ANK2: variants seen among roughly 807,000 people sequenced by gnomAD.
ANK2 encodes ankyrin 2, also known as ankyrin-2.
Under a neutral mutation model 360.5 loss-of-function variants are expected in ANK2, and 83 were observed. That is an observed-to-expected ratio of 0.23 (90% confidence interval 0.19 to 0.28). The LOEUF (loss-of-function observed/expected upper bound fraction) is 0.28, where lower values mean the gene tolerates loss of function less well. ANK2 is among the 10% of genes least tolerant of loss of function. ANK2 has a pLI of 1.00. For synonymous variants in ANK2, 1,740 were observed against 1,759.5 expected (o/e 0.99, Z 0.28); for missense variants, 4,201 against 4,795.7 (o/e 0.88, Z 3.66).
the ANK2 span, among the ~76,000 whole-genome samples, chr4:112,735,016 C>A: frequency 7.4e-4 from 112 of 152,180 alleles, no homozygotes; most frequent in African/African-American, 2.7e-3. Context: ...AAGTTCATTC[C>A]CTAGAGCAAT....
chr4:112,831,565 T>A (rs1457324496), intron 1 of ANK2, among the ~76,000 whole-genome samples: 6 of 121,048 alleles, frequency 5.0e-5, no homozygotes, highest in African/African-American at 2.1e-4. Context: ...ATCAACTCTC[T>A]GTAAAATGGG....
the ANK2 span, chr4:112,788,245 G>A: frequency 2.1e-5 from 33 of 1,589,584 alleles, no homozygotes; most frequent in Admixed American, 3.3e-5. Context: ...TAGCCAAAGC[G>A]CCTTTGTCTT....
intron 38 of ANK2, 59 bp from the exon 39 acceptor site, chr4:113,360,764 C>T (rs1323870739): frequency 2.1e-6 from 3 of 1,453,884 alleles, no homozygotes. Context: ...TGAATCAGTA[C>T]TGTGGTTCCT....
At chr4:112,789,612 G>T in the ANK2 span, among the ~76,000 whole-genome samples, 1 of 152,298 alleles carries the variant, frequency 6.6e-6, no homozygotes, top group Non-Finnish European at 1.5e-5. Flanking sequence ...ACCATTGATG[G>T]CTTTAAATCA....
chr4:113,185,796 C>T (rs572093559), intron 2 of ANK2, among the ~76,000 whole-genome samples: 62 of 152,276 alleles, frequency 4.1e-4, no homozygotes, highest in African/African-American at 1.3e-3. Context: ...TGCCTATGTC[C>T]TGAATGGTAT....
chr4:112,959,476 C>T (rs1428870271), intron 2 of ANK2, among the ~76,000 whole-genome samples: 1 of 152,084 alleles, frequency 6.6e-6, no homozygotes, highest in Non-Finnish European at 1.5e-5. Flanking sequence ...ATGCTTTAAT[C>T]AATGTTTGCC....
chr4:113,319,144 T>G (rs2084591060), intron 26 of ANK2, among the ~76,000 whole-genome samples: 1 of 152,130 alleles, frequency 6.6e-6, no homozygotes, highest in Non-Finnish European at 1.5e-5. Context: ...ACGCAATCAG[T>G]CAGGTTCTCA....
intron 40 of ANK2, 136 bp downstream of exon 40, chr4:113,363,605 A>C: frequency 1.1e-6 from 1 of 943,582 alleles, no homozygotes; most frequent in Non-Finnish European, 1.7e-6. Context: ...GAGTAATATC[A>C]TTTTGTTCAG....
the ANK2 span, among the ~76,000 whole-genome samples, chr4:112,766,179 A>G: frequency 2.0e-5 from 3 of 152,074 alleles, no homozygotes; most frequent in East Asian, 5.8e-4. Context: ...TAAAAATACA[A>G]AAATTAGCCG....
the ANK2 span, among the ~76,000 whole-genome samples, chr4:112,779,454 G>A: frequency 6.6e-6 from 1 of 152,162 alleles, no homozygotes; most frequent in Non-Finnish European, 1.5e-5. Context: ...GGGAGACGGA[G>A]CTCGTGGTGA....
the ANK2 span, among the ~76,000 whole-genome samples, chr4:112,744,242 ATAAACT>A: frequency 7.9e-5 from 12 of 152,316 alleles, no homozygotes; most frequent in Admixed American, 2.6e-4. Context: ...GCTCACATAG[ATAAACT>A]TAATGGATAC....
In ANK2 at chr4:113,249,794, C is replaced by T. The variant is rs2045149636; in HGVS notation, c.922C>T (p.Arg308Ter). 1 of 1,614,096 alleles carries T rather than the reference C, an allele frequency of 6.2e-7. No homozygotes were observed. The highest frequency in any genetic ancestry group is 1.1e-5 in the South Asian group (1 of 91,040). ...DGLTPLHCAA[R>*]SGHDQVVELL... Reference sequence around the variant, plus strand: ...GTTGACACCACTTCACTGTGCTGCACGAAGTGGGCATGACCAAGTGGTGGA... The same window carrying T: ...GTTGACACCACTTCACTGTGCTGCATGAAGTGGGCATGACCAAGTGGTGGA... Residue 308 changes from arginine to a stop codon, truncating the protein, a stop_gained, in exon 10 of 46, where the codon CGA becomes TGA. Coordinates refer to ENST00000357077, the MANE Select transcript of ANK2 (RefSeq NM_001148.6). LOFTEE classifies it high-confidence loss of function.
chr4:112,771,413 C>T, the ANK2 span, among the ~76,000 whole-genome samples: 2 of 152,054 alleles, frequency 1.3e-5, no homozygotes, highest in African/African-American at 2.4e-5. Context: ...CCACCACACC[C>T]GGCCACATTT....
intron 30 of ANK2, 62 bp from the exon 31 acceptor site, chr4:113,336,515 A>G (rs1185411354): frequency 5.2e-5 from 73 of 1,392,142 alleles, no homozygotes; most frequent in Non-Finnish European, 7.2e-5. Flanking sequence ...AAGTATAATG[A>G]TTCATTCTTT....
intron 2 of ANK2, among the ~76,000 whole-genome samples, chr4:113,185,151 T>C (rs531758089): frequency 6.6e-6 from 1 of 152,338 alleles, no homozygotes; most frequent in South Asian, 2.1e-4. Context: ...TTGTGAATAG[T>C]GCTGCAATGA....
Position 113,355,605 on chromosome 4 carries a change from C to T in ANK2, c.6987C>T (p.Gly2329=), listed in dbSNP as rs748972544. The T allele has an allele frequency of 6.2e-7, 1 of 1,614,094 alleles. No individual in the cohort carries two copies. The highest frequency in any genetic ancestry group is 1.3e-5 in the African/African-American group (1 of 75,040). The part of the protein sequence containing the change: ...TSPKRQDDCT[G]SCSVALAKET... Reference sequence around the variant, plus strand: ...CTAAAAGACAAGATGATTGCACAGGCAGCTGTAGTGTAGCATTAGCTAAAG... The same window carrying T: ...CTAAAAGACAAGATGATTGCACAGGTAGCTGTAGTGTAGCATTAGCTAAAG... Residue 2329 remains glycine (G), a synonymous_variant, in exon 38 of 46, where the codon GGC becomes GGT. Transcript: ENST00000357077.
At chr4:112,863,680 G>A (rs1444989798) in intron 1 of ANK2, among the ~76,000 whole-genome samples, 2 of 151,786 alleles carry the variant, frequency 1.3e-5, no homozygotes, top group Non-Finnish European at 2.9e-5. Context: ...CAGCCACCAC[G>A]CCCGGCTAAT....
chr4:112,800,326 T>C, the ANK2 span, among the ~76,000 whole-genome samples: 1 of 152,228 alleles, frequency 6.6e-6, no homozygotes, highest in East Asian at 1.9e-4. Context: ...ATTCTAGTTT[T>C]GCCTATATGC....
At chr4:113,234,904 A>G (rs2099359319) in intron 5 of ANK2, among the ~76,000 whole-genome samples, 1 of 152,224 alleles carries the variant, frequency 6.6e-6, no homozygotes, top group South Asian at 2.1e-4. Context: ...GCACTTGAAC[A>G]AATCATTCCA....
Sources: allele counts gnomAD v4.1 joint callset (sites outside exome capture counted in the v4.1 genomes callset), GRCh38; gene constraint gnomAD v4.1.1; transcripts MANE v1.5; gene names NCBI Gene and HGNC (gene_info 2026-07-23, HGNC 2026-07-21).